The following ZNF536 variants were observed in gnomAD, a reference collection of about 807,000 sequenced individuals.
ZNF536 encodes zinc finger protein 536.
Under a neutral mutation model 84.5 loss-of-function variants are expected in ZNF536, and 13 were observed. That is an observed-to-expected ratio of 0.15 (90% CI 0.10 to 0.24). The LOEUF is 0.24. ZNF536 is among the 10% of genes least tolerant of loss of function. ZNF536 has a pLI of 1.00. For missense variants in ZNF536, 1,536 were observed against 1,747.5 expected (o/e 0.88, Z 2.16); for synonymous variants, 811 against 742.5 (o/e 1.09, Z -1.50).
chr19:30,479,395 G>A (rs1012347865), intron 2 of ZNF536, among the ~76,000 whole-genome samples: 2 of 152,178 alleles, frequency 1.3e-5, no homozygotes, highest in African/African-American at 4.8e-5. Flanking sequence ...CGTGGCCCCA[G>A]CTAAATCAGA....
At chr19:30,460,034 C>T (rs2053060733) in intron 2 of ZNF536, among the ~76,000 whole-genome samples, 1 of 152,210 alleles carries the variant, frequency 6.6e-6, no homozygotes, top group Non-Finnish European at 1.5e-5. Context: ...GGACTTACCT[C>T]ATAGTAGCAA....
intron 3 of ZNF536, among the ~76,000 whole-genome samples, chr19:30,537,719 T>C (rs2045147069): frequency 6.6e-6 from 1 of 152,214 alleles, no homozygotes; most frequent in Admixed American, 6.5e-5. Flanking sequence ...GAAAGACTAA[T>C]GTTTCTGAAC....
chr19:30,512,531 T>C (rs1397770515), intron 2 of ZNF536, among the ~76,000 whole-genome samples: 2 of 152,188 alleles, frequency 1.3e-5, no homozygotes, highest in East Asian at 3.9e-4. Flanking sequence ...TAATGCATTA[T>C]ATTTAAAAAA....
chr19:30,705,539 G>A (rs1235873357), intron 1 of ZNF536, among the ~76,000 whole-genome samples: 2 of 152,096 alleles, frequency 1.3e-5, no homozygotes, highest in Non-Finnish European at 2.9e-5. Flanking sequence ...TAGATTCACT[G>A]TATCTCAGCT....
At chr19:30,346,888 G>A (rs1376734418) in intron 2 of ZNF536, among the ~76,000 whole-genome samples, 1 of 152,138 alleles carries the variant, frequency 6.6e-6, no homozygotes, top group African/African-American at 2.4e-5. Context: ...AGGTCAAATG[G>A]TATTTCTGTT....
At chr19:30,682,830 T>A (rs1475459024) in intron 1 of ZNF536, among the ~76,000 whole-genome samples, 1 of 152,138 alleles carries the variant, frequency 6.6e-6, no homozygotes, top group Admixed American at 6.5e-5. Context: ...ACCCGTCTCT[T>A]TTTGGCACCA....
At chr19:30,457,343 G>T (rs1189693884) in intron 2 of ZNF536, among the ~76,000 whole-genome samples, 1 of 152,264 alleles carries the variant, frequency 6.6e-6, no homozygotes, top group Non-Finnish European at 1.5e-5. Flanking sequence ...TTTAGCCACT[G>T]TGGCTGGCTG....
chr19:30,641,126 G>A lies in ZNF536; in HGVS notation c.170-69631G>A, dbSNP rs139897702. Among the ~76,000 whole-genome samples, 36 of 152,246 alleles carry A rather than the reference G, an allele frequency of 2.4e-4. No individual in the cohort carries two copies. In the East Asian group the frequency reaches 6.9e-3, roughly 29 times the overall value. On this transcript the variant is annotated intron_variant, in intron 1 of 1. Transcript: ENST00000592773. ...CCATGTTCGTGAGATAAAATCTTTA[G>A]CATTAATAGAAATTTTACTTTTTCA...
chr19:30,486,223 A>G (rs772754882), intron 2 of ZNF536, among the ~76,000 whole-genome samples: 3 of 152,118 alleles, frequency 2.0e-5, no homozygotes, highest in Non-Finnish European at 4.4e-5. Flanking sequence ...CCCAGCATGC[A>G]TTAGCTATTT....
In ZNF536 at chr19:30,546,346, T is replaced by C. The variant is rs1187342693; in HGVS notation, c.2324-1597T>C. Among the ~76,000 whole-genome samples the C allele has an allele frequency of 3.3e-5, 5 of 152,196 alleles. No individual in the cohort carries two copies. The East Asian group carries it at 9.6e-4, about 29-fold the overall frequency. On this transcript the variant is annotated intron_variant, in intron 3 of 4. Coordinates refer to ENST00000355537, the MANE Select transcript of ZNF536 (RefSeq NM_014717.3). ...TAGAGATGACTGTGACCTTTACGTT[T>C]AGAGAAACAGATTCCCTGCTGGGTT...
intron 2 of ZNF536, among the ~76,000 whole-genome samples, chr19:30,468,769 C>T (rs59179160): frequency 0.028 from 4,210 of 152,126 alleles, 202 homozygotes; most frequent in African/African-American, 0.097. Flanking sequence ...GCCTGGGCAC[C>T]GATGCCCATC....
intron 1 of ZNF536, among the ~76,000 whole-genome samples, chr19:30,253,973 G>GA (rs200452931): frequency 0.016 from 2,405 of 150,922 alleles, 64 homozygotes; most frequent in African/African-American, 0.055. Flanking sequence ...TGTTCTTTAA[G>GA]AAAAAAAAAT....
intron 1 of ZNF536, among the ~76,000 whole-genome samples, chr19:30,599,023 C>T (rs1257181585): frequency 9.2e-6 from 1 of 108,206 alleles, no homozygotes; most frequent in Non-Finnish European, 1.8e-5. Context: ...TCCTTCCTCC[C>T]TCCCTCCCTC....
intron 2 of ZNF536, among the ~76,000 whole-genome samples, chr19:30,349,064 T>C (rs775522025): frequency 1.4e-4 from 21 of 152,224 alleles, no homozygotes; most frequent in Non-Finnish European, 2.4e-4. Context: ...CTGTGTCTTC[T>C]GCCTCAAGTG....
chr19:30,320,636 G>C (rs917802084), intron 2 of ZNF536, among the ~76,000 whole-genome samples: 2 of 152,118 alleles, frequency 1.3e-5, no homozygotes, highest in African/African-American at 4.8e-5. Context: ...GAGCCCTCTG[G>C]GAGGCCTTGC....
chr19:30,608,794 T>C (rs1311210128), intron 1 of ZNF536, among the ~76,000 whole-genome samples: 1 of 152,172 alleles, frequency 6.6e-6, no homozygotes, highest in Non-Finnish European at 1.5e-5. Flanking sequence ...CTAAGGAAGA[T>C]ATAGGACTTT....
chr19:30,239,744 C>T (rs961541836), intron 1 of ZNF536, among the ~76,000 whole-genome samples: 3 of 152,222 alleles, frequency 2.0e-5, no homozygotes, highest in African/African-American at 7.2e-5. Context: ...CAATAGGCAT[C>T]TCCTATATTC....
At chr19:30,636,326 C>T (rs976940497) in intron 1 of ZNF536, among the ~76,000 whole-genome samples, 19 of 152,240 alleles carry the variant, frequency 1.2e-4, no homozygotes, top group African/African-American at 4.3e-4. Flanking sequence ...TCCCCCATGG[C>T]AATGTGGGGG....
rs1313879256 is a variant in ZNF536 at position 30,505,277 on chromosome 19, C to T, written c.2171-29570C>T. Among the ~76,000 whole-genome samples, 7 of 146,078 alleles carry T rather than the reference C, an allele frequency of 4.8e-5. No homozygotes were observed. The Admixed American group carries it at 4.8e-4, about 10-fold the overall frequency. Reference sequence around the variant, plus strand: ...TATATAATACATTACATATTATATACTAATAAATATTCTATAAATATATGT... The same window carrying T: ...TATATAATACATTACATATTATATATTAATAAATATTCTATAAATATATGT... On this transcript the variant is annotated intron_variant, in intron 2 of 4. Coordinates refer to ENST00000355537, the MANE Select transcript of ZNF536 (RefSeq NM_014717.3).
Sources: allele counts gnomAD v4.1 joint callset (sites outside exome capture counted in the v4.1 genomes callset), GRCh38; gene constraint gnomAD v4.1.1; transcripts MANE v1.5; gene names NCBI Gene and HGNC (gene_info 2026-07-23, HGNC 2026-07-21).